Variants in TK2 observed in about 807,000 individuals in gnomAD.
TK2 encodes the protein thymidine kinase 2.
Under a neutral mutation model 41.9 loss-of-function variants are expected in TK2, and 35 were observed. The observed-to-expected ratio is 0.84, with a 90% CI of 0.64 to 1.11. The LOEUF (loss-of-function observed/expected upper bound fraction) is 1.11, where lower values mean the gene tolerates loss of function less well. TK2 is among the 50% of genes least tolerant of loss of function. The pLI, the probability that TK2 is intolerant of heterozygous loss-of-function variation, is 0.00. For missense variants in TK2, 320 were observed against 351.1 expected, an observed-to-expected ratio of 0.91 and a Z score of 0.71; for synonymous variants, 128 against 129.1, an observed-to-expected ratio of 0.99 and a Z score of 0.06.
chr16:66,518,098 A>T (rs1467906509), intron 6 of TK2: 1 of 592,508 alleles, frequency 1.7e-6, no homozygotes. Flanking sequence ...TGCAAGGGCC[A>T]TGGCACGGAG....
At chr16:66,532,324 C>T (rs1445286689) in intron 4 of TK2, among the ~76,000 whole-genome samples, 1 of 152,108 alleles carries the variant, frequency 6.6e-6, no homozygotes, top group Non-Finnish European at 1.5e-5. Context: ...AAAATACCAG[C>T]CAGGCACAGT....
Position 66,510,276 on chromosome 16 carries a change from G to GA in TK2, c.*1691dup, listed in dbSNP as rs1318018426. 6.6e-6 allele frequency: 1 copy of GA among 151,338 alleles called. No homozygotes were observed. The highest frequency in any genetic ancestry group is 1.9e-4 in the East Asian group (1 of 5,154). 9.4% of individuals were successfully genotyped at this position (151,338 alleles called of 1,614,324 possible). ...CAAAAATGGATGTGCAAAATGAGCCGAGAGGAAATATTGGACTGTTCATTT... is the reference window on the plus strand; with the variant it reads ...CAAAAATGGATGTGCAAAATGAGCCGAAGAGGAAATATTGGACTGTTCATTT... On this transcript the variant is annotated 3_prime_UTR_variant, in exon 10 of 10. Transcript: ENST00000544898.
intron 1 of TK2, chr16:66,549,723 T>C: frequency 7.9e-7 from 1 of 1,273,848 alleles, no homozygotes; most frequent in Non-Finnish European, 9.8e-7. Context: ...AGGCCCTCTC[T>C]CCATCCCAGA....
In TK2 at chr16:66,510,304, A is replaced by G. The variant is rs1290112159; in HGVS notation, c.*1664T>C. Reference sequence around the variant, plus strand: ...AGGAAATATTGGACTGTTCATTTACAAATTCTCAAAGACAGACCCCACATG... The same window carrying G: ...AGGAAATATTGGACTGTTCATTTACGAATTCTCAAAGACAGACCCCACATG... On this transcript the variant is annotated 3_prime_UTR_variant, in exon 10 of 10. Transcript: ENST00000544898. 2.0e-5 allele frequency: 3 copies of G among 152,186 alleles called. No homozygotes were observed. The highest frequency in any genetic ancestry group is 4.4e-5 in the Non-Finnish European group (3 of 68,032). 9.4% of individuals were successfully genotyped at this position (152,186 alleles called of 1,614,324 possible). A position where few individuals can be genotyped will look rare whatever the true frequency, so the allele number is the denominator to read the frequency against.
intron 9 of TK2, 37 bp downstream of exon 9, chr16:66,513,694 A>G (rs1411315232): frequency 3.1e-6 from 5 of 1,594,120 alleles, no homozygotes; most frequent in South Asian, 1.1e-5. Flanking sequence ...TCCTCTTTCT[A>G]GAACAGTCTC....
chr16:66,528,652 T>G (rs541015415), intron 6 of TK2, among the ~76,000 whole-genome samples: 152 of 152,330 alleles, frequency 1.0e-3, no homozygotes, highest in African/African-American at 3.5e-3. Flanking sequence ...CTGGGCTGGT[T>G]TGCTGGTCCC....
chr16:66,539,524 C>T (rs1965390248), intron 3 of TK2, among the ~76,000 whole-genome samples: 1 of 150,654 alleles, frequency 6.6e-6, no homozygotes, highest in African/African-American at 2.4e-5. Flanking sequence ...TTGCTTGAAC[C>T]CAGGAGGCGG....
chr16:66,549,727 T>TC (rs2081598475), intron 1 of TK2: 5 of 1,278,072 alleles, frequency 3.9e-6, no homozygotes, highest in Non-Finnish European at 3.9e-6. Context: ...CCTCTCTCCA[T>TC]CCCAGAACCA....
At chr16:66,548,504 A>G (rs577494534) in intron 2 of TK2, among the ~76,000 whole-genome samples, 17 of 152,246 alleles carry the variant, frequency 1.1e-4, no homozygotes, top group African/African-American at 4.1e-4. Flanking sequence ...CCCAGCCCAG[A>G]GCCAGCATCT....
intron 3 of TK2, among the ~76,000 whole-genome samples, chr16:66,539,934 T>A (rs542456641): frequency 6.6e-6 from 1 of 152,270 alleles, no homozygotes; most frequent in East Asian, 1.9e-4. Flanking sequence ...AGAAACAATT[T>A]AAGCAGAGAG....
chr16:66,528,852 G>T, intron 6 of TK2, 142 bp downstream of exon 6: 1 of 804,064 alleles, frequency 1.2e-6, no homozygotes, highest in Non-Finnish European at 2.1e-6. Context: ...ATTCGTGGCT[G>T]TTTGTTACAC....
At chr16:66,541,189 G>C (rs1965446437) in intron 3 of TK2, among the ~76,000 whole-genome samples, 1 of 152,154 alleles carries the variant, frequency 6.6e-6, no homozygotes, top group Non-Finnish European at 1.5e-5. Context: ...CCATCCTCAA[G>C]ATATCTCATT....
intron 6 of TK2, among the ~76,000 whole-genome samples, chr16:66,524,246 A>G (rs920708235): frequency 3.3e-5 from 5 of 152,196 alleles, no homozygotes; most frequent in African/African-American, 4.8e-5. Flanking sequence ...TGAAGCCCCA[A>G]GGAAGCCCAC....
At chr16:66,513,649 CCT>C (rs1306716825) in intron 9 of TK2, 80 bp downstream of exon 9, 22 of 1,292,326 alleles carry the variant, frequency 1.7e-5, no homozygotes, top group African/African-American at 8.8e-5. Context: ...TGTGCCCTCC[CCT>C]GTCTGCAAGG....
rs563066907 is a variant in TK2 at position 66,519,351 on chromosome 16, G to A, written c.450-1474C>T. On this transcript the variant is annotated intron_variant, in intron 6 of 9. Transcript: ENST00000544898. ...GCGCCACCATGCCTGGCTAATTTTT[G>A]TATTTTTAGTAGACACGGGGTTTCA... 1.3e-4 allele frequency among the ~76,000 whole-genome samples: 20 copies of A among 152,128 alleles called. No individual in the cohort carries two copies. In the South Asian group the frequency reaches 3.3e-3, roughly 25 times the overall value.
intron 2 of TK2, 36 bp downstream of exon 2, chr16:66,548,942 A>G (rs763505965): frequency 6.3e-7 from 1 of 1,599,522 alleles, no homozygotes; most frequent in African/African-American, 1.3e-5. Flanking sequence ...AAAAAACCAA[A>G]TTATCCTAGA....
chr16:66,524,531 TCTTA>T (rs2144382201), intron 6 of TK2, among the ~76,000 whole-genome samples: 1 of 152,002 alleles, frequency 6.6e-6, no homozygotes, highest in South Asian at 2.1e-4. Flanking sequence ...GAGATGGGAG[TCTTA>T]CTTTGTTGCC....
At chr16:66,548,214 G>A in intron 2 of TK2, 1 of 375,266 alleles carries the variant, frequency 2.7e-6, no homozygotes, top group Middle Eastern at 3.8e-4. Flanking sequence ...TCTCTATGTG[G>A]TTTCACTACT....
intron 3 of TK2, among the ~76,000 whole-genome samples, chr16:66,540,610 T>C (rs1344907982): frequency 1.3e-5 from 2 of 152,240 alleles, no homozygotes; most frequent in Non-Finnish European, 2.9e-5. Flanking sequence ...CACTAAAATC[T>C]AGAACAAGGA....
Sources: allele counts gnomAD v4.1 joint callset (sites outside exome capture counted in the v4.1 genomes callset), GRCh38; gene constraint gnomAD v4.1.1; transcripts MANE v1.5; gene names NCBI Gene and HGNC (gene_info 2026-07-23, HGNC 2026-07-21).